The following ZCWPW2 variants were observed in gnomAD, a reference collection of about 807,000 sequenced individuals.
ZCWPW2 encodes the protein zinc finger CW-type PWWP domain protein 2.
Under a neutral mutation model 46.6 loss-of-function variants are expected in ZCWPW2, and 45 were observed. The observed-to-expected ratio is 0.96, with a 90% CI of 0.76 to 1.24. The LOEUF (loss-of-function observed/expected upper bound fraction) is 1.24, where lower values mean the gene tolerates loss of function less well. Ranked by LOEUF, ZCWPW2 falls within the 50% of genes most tolerant of loss-of-function variation. The pLI is 0.00. For missense variants in ZCWPW2, 429 were observed against 403.9 expected (o/e 1.06, Z -0.53); for synonymous variants, 152 against 137.1 (o/e 1.11, Z -0.76).
At chr3:28,370,943 G>T (rs1453074918) in intron 1 of ZCWPW2, among the ~76,000 whole-genome samples, 1 of 152,020 alleles carries the variant, frequency 6.6e-6, no homozygotes, top group African/African-American at 2.4e-5. Context: ...TGTTGGTCAG[G>T]ATGGTCTTGA....
At position 28,349,077 on chromosome 3, in the gene ZCWPW2, C is replaced by G; in HGVS notation, c.-260C>G. On this transcript the variant is annotated 5_prime_UTR_variant, in exon 1 of 10. Coordinates refer to ENST00000383768, the MANE Select transcript of ZCWPW2 (RefSeq NM_001040432.4). ...GGGAGCTGGGAGGGCGTTAGCGAAG[C>G]CAGGTTCGGTCGTGGGGGTGGGGAA... 1 of 985,736 alleles carries G rather than the reference C, an allele frequency of 1.0e-6. No homozygotes were observed. Among genetic ancestry groups the G allele is most frequent in the Non-Finnish European group, 1.2e-6 (1 of 830,160 alleles). The allele number at this position is 985,736 out of a possible 1,614,324, so 61.1% of individuals were successfully genotyped here.
chr3:28,367,378 A>C (rs1354725681), intron 1 of ZCWPW2, among the ~76,000 whole-genome samples: 1 of 152,176 alleles, frequency 6.6e-6, no homozygotes, highest in Non-Finnish European at 1.5e-5. Context: ...GAACATCTTT[A>C]CTTCTGCCTT....
At position 28,371,875 on chromosome 3, in the gene ZCWPW2, G is replaced by A. The variant is rs187681074; in HGVS notation, c.-133-18623G>A. ...GGAGCCTGATTAAAGTTTAGTCAAAGGGAGAGTCTTTGCCAGTTTCTTCTT... is the reference window on the plus strand; with the variant it reads ...GGAGCCTGATTAAAGTTTAGTCAAAAGGAGAGTCTTTGCCAGTTTCTTCTT... On this transcript the variant is annotated intron_variant, in intron 1 of 9. Coordinates refer to ENST00000383768, the MANE Select transcript of ZCWPW2 (RefSeq NM_001040432.4). Among the ~76,000 whole-genome samples the A allele has an allele frequency of 1.6e-3, 236 of 152,132 alleles. 2 individuals carry two copies. The highest frequency in any genetic ancestry group is 4.6e-3 in the African/African-American group (192 of 41,502).
At chr3:28,477,187 G>A (rs754236629) in intron 4 of ZCWPW2, among the ~76,000 whole-genome samples, 3 of 152,124 alleles carry the variant, frequency 2.0e-5, no homozygotes, top group Non-Finnish European at 4.4e-5. Flanking sequence ...GTGAAGGCTA[G>A]CTTAGACATC....
At chr3:28,436,328 T>TTC (rs1026855745) in intron 4 of ZCWPW2, among the ~76,000 whole-genome samples, 4 of 144,810 alleles carry the variant, frequency 2.8e-5, no homozygotes, top group South Asian at 4.3e-4. Flanking sequence ...TTTTTCTTTT[T>TTC]TTTTTTTTTT....
At chr3:28,439,017 A>G (rs1454798135) in intron 4 of ZCWPW2, among the ~76,000 whole-genome samples, 2 of 100,926 alleles carry the variant, frequency 2.0e-5, no homozygotes, top group South Asian at 4.4e-4. Flanking sequence ...GACAGAACTA[A>G]TAGTATATAT....
intron 4 of ZCWPW2, among the ~76,000 whole-genome samples, chr3:28,440,291 T>C (rs934405932): frequency 6.6e-6 from 1 of 152,162 alleles, no homozygotes; most frequent in East Asian, 1.9e-4. Flanking sequence ...TCTTGCAGTT[T>C]AATGGAATCG....
chr3:28,512,758 A>G (rs1360808334), intron 6 of ZCWPW2, among the ~76,000 whole-genome samples: 2 of 150,860 alleles, frequency 1.3e-5, no homozygotes, highest in East Asian at 3.9e-4. Context: ...CAATGACTTG[A>G]CTTTTTTTTT....
chr3:28,408,148 G>A (rs1052498885), intron 2 of ZCWPW2, among the ~76,000 whole-genome samples: 1 of 152,160 alleles, frequency 6.6e-6, no homozygotes, highest in Non-Finnish European at 1.5e-5. Flanking sequence ...CATTTTCTTA[G>A]TGTTAGTTTA....
At chr3:28,452,281 T>G (rs1332454263) in intron 4 of ZCWPW2, among the ~76,000 whole-genome samples, 1 of 152,100 alleles carries the variant, frequency 6.6e-6, no homozygotes, top group Non-Finnish European at 1.5e-5. Context: ...ATCTTATTTA[T>G]TTATTTATTT....
Position 28,355,394 on chromosome 3 carries a change from GA to G in ZCWPW2, c.-134+6193del, listed in dbSNP as rs1182920388. ...AACATTCCATGCTCATGGATAGGAA[GA>G]ATCAATATTGTGAAAATGGCCATAC... On this transcript the variant is annotated intron_variant, in intron 1 of 9. Coordinates refer to ENST00000383768, the MANE Select transcript of ZCWPW2 (RefSeq NM_001040432.4). Among the ~76,000 whole-genome samples, 3 of 152,222 alleles carry G rather than the reference GA, an allele frequency of 2.0e-5. No individual in the cohort carries two copies. The East Asian group carries it at 5.8e-4, about 29-fold the overall frequency.
intron 5 of ZCWPW2, among the ~76,000 whole-genome samples, chr3:28,488,494 A>G (rs7619946): frequency 0.17 from 25,614 of 152,190 alleles, 2,527 homozygotes; most frequent in East Asian, 0.46. Context: ...TTAAACAAAC[A>G]AAAACTGACA....
At chr3:28,473,074 C>T (rs962061529) in intron 4 of ZCWPW2, among the ~76,000 whole-genome samples, 4 of 152,032 alleles carry the variant, frequency 2.6e-5, no homozygotes, top group Non-Finnish European at 4.4e-5. Flanking sequence ...AAAAGACAGG[C>T]GATAACAAAT....
chr3:28,466,853 T>C (rs1184509174), intron 4 of ZCWPW2, among the ~76,000 whole-genome samples: 4 of 152,090 alleles, frequency 2.6e-5, no homozygotes, highest in African/African-American at 7.2e-5. Context: ...TATAATCCTC[T>C]TCTCTTCTTG....
intron 3 of ZCWPW2, among the ~76,000 whole-genome samples, chr3:28,426,144 T>A (rs1319503375): frequency 2.0e-5 from 3 of 151,738 alleles, no homozygotes; most frequent in African/African-American, 7.2e-5. Context: ...TATATGTATA[T>A]ATAGCATTTT....
At chr3:28,360,747 AAAAC>A (rs1408823328) in intron 1 of ZCWPW2, among the ~76,000 whole-genome samples, 4 of 152,174 alleles carry the variant, frequency 2.6e-5, no homozygotes, top group African/African-American at 9.7e-5. Context: ...CAAAAAAACA[AAAAC>A]AAAAACAGAA....
At chr3:28,481,377 G>A (rs199599220) in intron 5 of ZCWPW2, among the ~76,000 whole-genome samples, 1 of 152,158 alleles carries the variant, frequency 6.6e-6, no homozygotes, top group East Asian at 1.9e-4. Flanking sequence ...CTGAGTAGCT[G>A]GGATTACAGG....
chr3:28,370,908 T>G (rs1343703856), intron 1 of ZCWPW2, among the ~76,000 whole-genome samples: 3 of 152,048 alleles, frequency 2.0e-5, no homozygotes, highest in Non-Finnish European at 4.4e-5. Context: ...AATTTTGTAT[T>G]TTTAGTAGAG....
At chr3:28,524,435 C>A in intron 9 of ZCWPW2, 92 bp from the exon 10 acceptor site, 1 of 1,324,246 alleles carries the variant, frequency 7.6e-7, no homozygotes, top group Non-Finnish European at 1.0e-6. Context: ...GTTTGTGTAG[C>A]TAATGTGGCT....
Sources: allele counts gnomAD v4.1 joint callset (sites outside exome capture counted in the v4.1 genomes callset), GRCh38; gene constraint gnomAD v4.1.1; transcripts MANE v1.5; gene names NCBI Gene and HGNC (gene_info 2026-07-23, HGNC 2026-07-21).